Variants in CDH26 observed in about 807,000 individuals in gnomAD.
The protein encoded by CDH26 is cadherin-like protein 26.
Under a neutral mutation model 90.3 loss-of-function variants are expected in CDH26, and 83 were observed. The ratio of observed to expected loss-of-function variants is 0.92; its 90% CI spans 0.77 to 1.10. The LOEUF is 1.10. Among genes scored for constraint, CDH26 ranks in the 50% least tolerant of loss-of-function variants. CDH26 has a pLI of 0.00. For missense variants in CDH26, 1,013 were observed against 1,037.6 expected (o/e 0.98, Z 0.33); for synonymous variants, 397 against 396.3 (o/e 1.00, Z -0.02).
chr20:59,989,636 C>A (rs995587737), intron 9 of CDH26, among the ~76,000 whole-genome samples: 1 of 152,116 alleles, frequency 6.6e-6, no homozygotes, highest in African/African-American at 2.4e-5. Context: ...CAGTGCATGA[C>A]CACTGACCTG....
At chr20:60,015,376 C>T (rs2061896317), downstream of CDH26, among the ~76,000 whole-genome samples, 1 of 152,154 alleles carries the variant, frequency 6.6e-6, no homozygotes, top group African/African-American at 2.4e-5. Context: ...CTTTTCCTGA[C>T]CATTCATGAT....
chr20:59,980,207 G>T (rs2061378558), intron 4 of CDH26, among the ~76,000 whole-genome samples: 1 of 152,096 alleles, frequency 6.6e-6, no homozygotes, highest in Non-Finnish European at 1.5e-5. Flanking sequence ...TTTCCCTAGT[G>T]ACAAATGATG....
intron 13 of CDH26, 102 bp from the exon 14 acceptor site, chr20:59,999,484 A>G (rs1299013085): frequency 1.0e-6 from 1 of 955,500 alleles, no homozygotes; most frequent in Non-Finnish European, 1.6e-6. Flanking sequence ...GATGGCATAG[A>G]TACAATGTGT....
chr20:59,997,336 A>G (rs142355908), intron 13 of CDH26, among the ~76,000 whole-genome samples: 1 of 152,378 alleles, frequency 6.6e-6, no homozygotes, highest in South Asian at 2.1e-4. Flanking sequence ...CCTTGGAGGT[A>G]CAAGGCCTAG....
At chr20:59,969,798 C>T (rs1365926184) in intron 2 of CDH26, among the ~76,000 whole-genome samples, 1 of 152,218 alleles carries the variant, frequency 6.6e-6, no homozygotes, top group Admixed American at 6.5e-5. Flanking sequence ...GCCATTGGCA[C>T]ATAGCAGACA....
rs750459679 is a variant in CDH26, at chr20:60,012,622, C to T, written c.2391C>T (p.Ser797=). 1 of 1,614,122 alleles carries T rather than the reference C, an allele frequency of 6.2e-7. No individual in the cohort carries two copies. Among genetic ancestry groups the T allele is most frequent in the Non-Finnish European group, 8.5e-7 (1 of 1,180,012 alleles). Residue 797 remains serine, a synonymous_variant, in exon 18 of 18, where the codon AGC becomes AGT. Transcript: ENST00000348616. ...EGECGGAPSL[S]SLASLEQELQ... ...AGTGTGGAGGGGCCCCATCCCTCAG[C>T]TCTCTGGCCAGCTTGGAACAGGAGT...
At chr20:59,984,854 T>C in intron 6 of CDH26, 49 bp downstream of exon 6, 5 of 1,577,016 alleles carry the variant, frequency 3.2e-6, no homozygotes, top group Non-Finnish European at 4.3e-6. Context: ...TGGCCCATCC[T>C]TGAGCCCCAG....
intron 1 of CDH26, among the ~76,000 whole-genome samples, chr20:59,963,332 C>T (rs2061101416): frequency 6.9e-6 from 1 of 145,406 alleles, no homozygotes; most frequent in African/African-American, 2.6e-5. Flanking sequence ...CTCACTGCAA[C>T]CTCCGCCTCC....
At chr20:59,981,816 A>G (rs2061398339) in intron 4 of CDH26, among the ~76,000 whole-genome samples, 2 of 152,072 alleles carry the variant, frequency 1.3e-5, no homozygotes, top group Admixed American at 1.3e-4. Context: ...TATTTTTTGG[A>G]AGAGACTGTT....
chr20:59,982,828 G>A, intron 4 of CDH26, 95 bp from the exon 5 acceptor site: 3 of 1,416,966 alleles, frequency 2.1e-6, no homozygotes, highest in South Asian at 1.3e-5. Context: ...TAGAGGAGGA[G>A]ACAGACGTAA....
At chr20:59,963,752 G>A (rs2061109114) in intron 1 of CDH26, among the ~76,000 whole-genome samples, 1 of 151,924 alleles carries the variant, frequency 6.6e-6, no homozygotes, top group African/African-American at 2.4e-5. Context: ...ATTGGGTACG[G>A]ATTAAAAGAA....
intron 8 of CDH26, among the ~76,000 whole-genome samples, chr20:60,032,860 A>AG (rs1212605010): frequency 3.4e-5 from 2 of 59,544 alleles, no homozygotes; most frequent in African/African-American, 1.4e-4. Context: ...GGGTGGGGGG[A>AG]GGGGGGAGGG....
At chr20:59,978,571 A>G (rs1384221004) in intron 4 of CDH26, among the ~76,000 whole-genome samples, 1 of 151,922 alleles carries the variant, frequency 6.6e-6, no homozygotes, top group Non-Finnish European at 1.5e-5. Context: ...GTGGGGTTTC[A>G]CTACGTTGGC....
intron 5 of CDH26, among the ~76,000 whole-genome samples, chr20:59,983,775 G>A (rs767540889): frequency 3.3e-5 from 5 of 151,926 alleles, no homozygotes; most frequent in African/African-American, 9.7e-5. Context: ...TTGTATATGC[G>A]TATATGGTAA....
At chr20:60,028,379 G>A (rs568026387) in intron 7 of CDH26, among the ~76,000 whole-genome samples, 1 of 152,382 alleles carries the variant, frequency 6.6e-6, no homozygotes, top group East Asian at 1.9e-4. Flanking sequence ...TGGGACTGCA[G>A]GCTCCTTGAG....
chr20:60,002,255 G>A (rs1412202713), intron 15 of CDH26, among the ~76,000 whole-genome samples: 2 of 151,974 alleles, frequency 1.3e-5, no homozygotes, highest in Admixed American at 1.3e-4. Flanking sequence ...CAAAGATGAT[G>A]CCACAAATCC....
chr20:60,026,853 C>G (rs545880527), intron 7 of CDH26, among the ~76,000 whole-genome samples: 95 of 152,348 alleles, frequency 6.2e-4, no homozygotes, highest in African/African-American at 2.2e-3. Context: ...GACATCAAAC[C>G]TTAGCATGAA....
chr20:60,023,937 T>A (rs1034081595), intron 7 of CDH26, among the ~76,000 whole-genome samples: 5 of 150,436 alleles, frequency 3.3e-5, no homozygotes, highest in African/African-American at 1.2e-4. Flanking sequence ...TGGCTCCAGG[T>A]GGGTACCATT....
At chr20:60,003,874 G>A (rs981166636) in intron 16 of CDH26, among the ~76,000 whole-genome samples, 1 of 152,196 alleles carries the variant, frequency 6.6e-6, no homozygotes, top group African/African-American at 2.4e-5. Context: ...CATACATAGT[G>A]TGGGGTTAGG....
Sources: allele counts gnomAD v4.1 joint callset (sites outside exome capture counted in the v4.1 genomes callset), GRCh38; gene constraint gnomAD v4.1.1; transcripts MANE v1.5; gene names NCBI Gene and HGNC (gene_info 2026-07-23, HGNC 2026-07-21).